TNRC18: variants seen among roughly 807,000 people sequenced by gnomAD.
The protein encoded by TNRC18 is trinucleotide repeat containing 18, also known as trinucleotide repeat-containing gene 18 protein.
TNRC18 carries 69 observed loss-of-function variants against 226.7 expected under a neutral mutation model. The observed-to-expected ratio is 0.30, with a 90% CI of 0.25 to 0.37. TNRC18 has a LOEUF of 0.37. Ranked by LOEUF, TNRC18 falls within the 10% of genes least tolerant of loss-of-function variation. TNRC18 has a pLI of 1.00. For missense variants in TNRC18, 4,754 were observed against 4,256.6 expected (o/e 1.12, Z -3.25); for synonymous variants, 2,449 against 1,927.6 (o/e 1.27, Z -7.09).
chr7:5,327,403 G>C (rs534339185), intron 19 of TNRC18, among the ~76,000 whole-genome samples: 1 of 150,062 alleles, frequency 6.7e-6, no homozygotes, highest in African/African-American at 2.4e-5. Flanking sequence ...GTGTGTGTGT[G>C]TGTGTGTGTC....
chr7:5,394,137 C>T lies in TNRC18; in HGVS notation c.343+303G>A, dbSNP rs1780491527. 6.6e-6 allele frequency among the ~76,000 whole-genome samples: 1 copy of T among 152,228 alleles called. No homozygotes were observed. Among genetic ancestry groups the T allele is most frequent in the East Asian group, 1.9e-4 (1 of 5,178 alleles). ...GTTCATGAATGATGAGATAATCTGT[C>T]GTCACAAGCAAGTGATGGAAGTGGG... On this transcript the variant is annotated intron_variant, in intron 3 of 29. Transcript: ENST00000430969. This position sits in a 1 kb window ranked among gnomAD's most constrained non-coding sequence, Gnocchi z 4.5.
chr7:5,343,730 A>T (rs1389182576), intron 18 of TNRC18, among the ~76,000 whole-genome samples: 1 of 152,176 alleles, frequency 6.6e-6, no homozygotes, highest in African/African-American at 2.4e-5. Flanking sequence ...CATGGCCAAT[A>T]ATCTATTTTT....
At chr7:5,349,781 GCAGA>G (rs1791590956) in intron 17 of TNRC18, among the ~76,000 whole-genome samples, 1 of 152,218 alleles carries the variant, frequency 6.6e-6, no homozygotes, top group African/African-American at 2.4e-5. Flanking sequence ...GCTGGAAGAA[GCAGA>G]CATACTAGAA....
chr7:5,390,973 A>G (rs1341322045), intron 3 of TNRC18, among the ~76,000 whole-genome samples: 4 of 152,134 alleles, frequency 2.6e-5, no homozygotes, highest in Admixed American at 2.6e-4. Context: ...TAAGGAAGAG[A>G]CTTAATGTCC....
At chr7:5,349,963 G>A (rs1052017616) in intron 17 of TNRC18, among the ~76,000 whole-genome samples, 9 of 149,078 alleles carry the variant, frequency 6.0e-5, no homozygotes, top group Non-Finnish European at 8.9e-5. Flanking sequence ...TCTGGGTCCC[G>A]TCCACTTGGC....
intron 14 of TNRC18, 95 bp from the exon 15 acceptor site, chr7:5,359,664 C>T: frequency 2.1e-6 from 3 of 1,433,374 alleles, no homozygotes; most frequent in East Asian, 2.3e-5. Flanking sequence ...GGGCTCTGGA[C>T]CCTGAGCGTG....
intron 19 of TNRC18, among the ~76,000 whole-genome samples, chr7:5,327,841 C>T (rs1789093183): frequency 6.6e-6 from 1 of 152,124 alleles, no homozygotes; most frequent in Non-Finnish European, 1.5e-5. Flanking sequence ...ACTATGACAG[C>T]AAAACACCAT....
chr7:5,381,795 G>A (rs1270487627), intron 5 of TNRC18, among the ~76,000 whole-genome samples: 1 of 151,862 alleles, frequency 6.6e-6, no homozygotes, highest in Non-Finnish European at 1.5e-5. Flanking sequence ...GTGAAACCTC[G>A]GCTCTACTAA....
At chr7:5,359,629 T>TA (rs1185575260) in intron 14 of TNRC18, 60 bp from the exon 15 acceptor site, 1 of 1,597,144 alleles carries the variant, frequency 6.3e-7, no homozygotes, top group African/African-American at 1.4e-5. Flanking sequence ...CAGGCTGAGG[T>TA]CCACCCTCAT....
chr7:5,346,547 G>A (rs1398156935), intron 17 of TNRC18, among the ~76,000 whole-genome samples: 3 of 151,982 alleles, frequency 2.0e-5, no homozygotes, highest in Non-Finnish European at 2.9e-5. Flanking sequence ...AGTGGCTCAC[G>A]CCTGTAATCC....
rs1177304233 is a variant in TNRC18, at chr7:5,307,529, A to G, written c.*577T>C. 3 of 447,838 alleles carry G rather than the reference A, an allele frequency of 6.7e-6. No homozygotes were observed. The highest frequency in any genetic ancestry group is 5.7e-4 in the Middle Eastern group (1 of 1,766). The allele number at this position is 447,838 out of a possible 1,614,324, so 27.7% of individuals were successfully genotyped here. On this transcript the variant is annotated 3_prime_UTR_variant, in exon 30 of 30. Coordinates refer to ENST00000430969, the MANE Select transcript of TNRC18 (RefSeq NM_001080495.3). ...CCTTTGACAGACACTCCGGGCTGCAACCCCACCCGGCTCTGTTCCCCAAGT... is the reference window on the plus strand; with the variant it reads ...CCTTTGACAGACACTCCGGGCTGCAGCCCCACCCGGCTCTGTTCCCCAAGT...
intron 8 of TNRC18, among the ~76,000 whole-genome samples, 199 bp from the exon 9 acceptor site, chr7:5,376,423 G>T (rs918356322): frequency 6.6e-6 from 1 of 152,162 alleles, no homozygotes; most frequent in South Asian, 2.1e-4. Context: ...CAGGCCCGGG[G>T]AACACAGCCC....
chr7:5,315,000 G>A lies in TNRC18; in HGVS notation c.7011C>T (p.Ser2337=), dbSNP rs762766917. The change falls in exon 26 of 30, where the codon AGC becomes AGT. Residue 2337 remains serine (S), a synonymous_variant. Coordinates refer to ENST00000430969, the MANE Select transcript of TNRC18 (RefSeq NM_001080495.3). ...CCAACCTACCACCCTTGGCCTTGGC[G>A]CTGGGTTTCCGCCCACGCCCACGGG... ...AKARGRGRKP[S]AKAKGDRAAT... The A allele has an allele frequency of 1.2e-5, 20 of 1,606,734 alleles. No individual in the cohort carries two copies. Among genetic ancestry groups the A allele is most frequent in the African/African-American group, 2.7e-5 (2 of 74,732 alleles).
chr7:5,329,987 C>A, intron 19 of TNRC18: 2 of 471,130 alleles, frequency 4.2e-6, no homozygotes, highest in Non-Finnish European at 8.8e-6. Context: ...AGAACAGATT[C>A]ATTGTTGACA....
chr7:5,420,526 G>C (rs1335602485), intron 2 of TNRC18: 1 of 446,240 alleles, frequency 2.2e-6, no homozygotes, highest in Non-Finnish European at 4.5e-6. Context: ...CCCAAGGCTG[G>C]GGTCACCGTA....
chr7:5,342,885 A>G (rs1790820686), intron 18 of TNRC18, among the ~76,000 whole-genome samples: 1 of 152,294 alleles, frequency 6.6e-6, no homozygotes, highest in African/African-American at 2.4e-5. Flanking sequence ...ATTCTAAGAA[A>G]TTGCCACAGC....
intron 15 of TNRC18, 140 bp downstream of exon 15, chr7:5,359,258 G>T: frequency 1.1e-6 from 1 of 891,156 alleles, no homozygotes; most frequent in Non-Finnish European, 1.8e-6. Context: ...TTGGAGAAGA[G>T]TCATTCCGGC....
intron 17 of TNRC18, among the ~76,000 whole-genome samples, chr7:5,351,372 G>A (rs550545936): frequency 6.6e-6 from 1 of 152,064 alleles, no homozygotes; most frequent in Non-Finnish European, 1.5e-5. Context: ...ACGCCCACAC[G>A]ACAGAATTCC....
At position 5,388,498 on chromosome 7, in the gene TNRC18, C is replaced by T. The variant is rs921988653; in HGVS notation, c.1326G>A (p.Ala442=). The T allele has an allele frequency of 1.5e-5, 20 of 1,338,306 alleles. No individual in the cohort carries two copies. The highest frequency in any genetic ancestry group is 1.3e-4 in the African/African-American group (8 of 63,334). The allele number at this position is 1,338,306 out of a possible 1,614,324, so 82.9% of individuals were successfully genotyped here. ...GTGTGGCCCGCACCGTGGGGGCATC[C>T]GCGGGGGGCGGCCGCTTGAGCGAGC... is the stretch of plus-strand genomic sequence containing the variant. ...VIRSLKRPPP[A]DAPTVRATRA... The change falls in exon 5 of 30, where the codon GCG becomes GCA. Residue 442 remains alanine, a synonymous_variant. Transcript: ENST00000430969.
Sources: gnomAD v4.1 joint callset for allele counts (sites outside exome capture counted in the v4.1 genomes callset) on GRCh38, gnomAD v4.1.1 for gene constraint, Gnocchi (gnomAD v3.1) non-coding constraint, MANE v1.5 for transcripts, NCBI Gene and HGNC (gene_info 2026-07-23, HGNC 2026-07-21) for gene names.